SUV39H2: variants seen among roughly 807,000 people sequenced by gnomAD.
The protein encoded by SUV39H2 is histone-lysine N-methyltransferase SUV39H2.
A neutral mutation model predicts 47.5 loss-of-function variants in SUV39H2; 10 were observed. That is an observed-to-expected ratio of 0.21 (90% CI 0.13 to 0.36). SUV39H2 has a LOEUF of 0.36. Ranked by LOEUF, SUV39H2 falls within the 10% of genes least tolerant of loss-of-function variation. The pLI is 1.00. For missense variants in SUV39H2, 266 were observed against 487.4 expected, an observed-to-expected ratio of 0.55 and a Z score of 4.28; for synonymous variants, 159 against 166.8, an observed-to-expected ratio of 0.95 and a Z score of 0.36.
Position 14,902,432 on chromosome 10 carries a change from A to G in SUV39H2, c.1153A>G (p.Ile385Val), listed in dbSNP as rs1356281978. The G allele has an allele frequency of 3.7e-6, 6 of 1,611,008 alleles. No homozygotes were observed. Among genetic ancestry groups the G allele is most frequent in the Admixed American group, 1.7e-5 (1 of 59,658 alleles). Reference protein sequence around the residue: ...KGSGDISSDSIDHSPAKKRVR... With the variant: ...KGSGDISSDSVDHSPAKKRVR... ...TTCTGGAGATATATCTTCAGATTCT[A>G]TTGACCACAGCCCAGCCAAAAAGAG... The change falls in exon 6 of 6, where the codon ATT becomes GTT. Residue 385 changes from isoleucine to valine, a missense_variant. Ile to Val is a conservative substitution (Grantham distance 29, BLOSUM62 3). This residue lies in a region of SUV39H2 where 112 missense variants were observed against 271.9 expected (regional missense o/e 0.41). Transcript: ENST00000354919.
intron 2 of SUV39H2, among the ~76,000 whole-genome samples, chr10:14,885,458 T>C (rs111561071): frequency 1.1e-4 from 16 of 152,372 alleles, no homozygotes; most frequent in African/African-American, 3.8e-4. Flanking sequence ...ATTCCTGCTG[T>C]GCTTTCACAG....
intron 2 of SUV39H2, among the ~76,000 whole-genome samples, chr10:14,894,368 T>TG (rs1833494480): frequency 1.9e-5 from 1 of 51,522 alleles, no homozygotes; most frequent in South Asian, 1.0e-3. Context: ...TTTTTTTTTT[T>TG]TTTTTTTTTT....
At chr10:14,893,156 A>T (rs930361920) in intron 2 of SUV39H2, among the ~76,000 whole-genome samples, 4 of 150,578 alleles carry the variant, frequency 2.7e-5, no homozygotes, top group African/African-American at 4.9e-5. Flanking sequence ...GGCGCCCGCC[A>T]CCTCGCCCGG....
intron 3 of SUV39H2, chr10:14,898,988 A>G (rs1298693627): frequency 4.1e-6 from 2 of 491,842 alleles, no homozygotes; most frequent in East Asian, 5.9e-5. Context: ...CATCCTAATT[A>G]TAATGAAAGT....
chr10:14,898,348 C>T (rs1169621973), intron 3 of SUV39H2: 1 of 151,284 alleles, frequency 6.6e-6, no homozygotes, highest in Non-Finnish European at 1.5e-5. Context: ...TAGTCTTCAC[C>T]ATGGCACCAC....
At chr10:14,902,343 T>A in intron 5 of SUV39H2, 63 bp from the exon 6 acceptor site, 1 of 1,186,102 alleles carries the variant, frequency 8.4e-7, no homozygotes, top group South Asian at 1.5e-5. Flanking sequence ...AATAGAAAAT[T>A]TGAAATTTAT....
At chr10:14,879,578 G>C (rs1832980319) in intron 1 of SUV39H2, among the ~76,000 whole-genome samples, 1 of 152,096 alleles carries the variant, frequency 6.6e-6, no homozygotes, top group South Asian at 2.1e-4. Context: ...TTCTGTGGAC[G>C]CTGGGGAATT....
At chr10:14,879,596 G>A (rs951011844) in intron 1 of SUV39H2, among the ~76,000 whole-genome samples, 1 of 152,030 alleles carries the variant, frequency 6.6e-6, no homozygotes, top group Non-Finnish European at 1.5e-5. Context: ...ATTGGGCACC[G>A]GGGAACTGGG....
chr10:14,886,835 T>G (rs1431147847), intron 2 of SUV39H2, among the ~76,000 whole-genome samples: 2 of 152,236 alleles, frequency 1.3e-5, no homozygotes, highest in Non-Finnish European at 2.9e-5. Flanking sequence ...GCAAACATCG[T>G]TAGAAGATCT....
intron 2 of SUV39H2, among the ~76,000 whole-genome samples, chr10:14,882,856 CT>C (rs560338239): frequency 7.9e-5 from 12 of 151,558 alleles, no homozygotes; most frequent in Non-Finnish European, 1.0e-4. Context: ...TATCTACCCC[CT>C]ATAGGAGTTT....
At chr10:14,883,752 T>C (rs1833119214) in intron 2 of SUV39H2, among the ~76,000 whole-genome samples, 1 of 143,852 alleles carries the variant, frequency 7.0e-6, no homozygotes, top group African/African-American at 2.6e-5. Flanking sequence ...TTTTCTAGTA[T>C]ACTTTAGGAG....
chr10:14,884,147 A>G (rs1235806206), intron 2 of SUV39H2, among the ~76,000 whole-genome samples: 1 of 152,234 alleles, frequency 6.6e-6, no homozygotes, highest in African/African-American at 2.4e-5. Flanking sequence ...ATTCGCCTAC[A>G]GGGTTCTGTG....
Position 14,896,961 on chromosome 10 carries a change from A to G in SUV39H2, c.293A>G (p.His98Arg), listed in dbSNP as rs765085719. Residue 98 changes from histidine to arginine, a missense_variant, in exon 3 of 6, where the codon CAT becomes CGT. Transcript: ENST00000354919. ...LLLQQFSNDK[H>R]NYLSQVKKGK... The stretch of plus-strand genomic sequence containing the variant: ...CTTCAGCAATTCTCTAATGACAAGC[A>G]TAATTATTTATCTCAGGTAAAGAAA... 2.0e-5 allele frequency: 32 copies of G among 1,614,030 alleles called. No individual in the cohort carries two copies. Among genetic ancestry groups the G allele is most frequent in the Non-Finnish European group, 2.3e-5 (27 of 1,180,022 alleles).
chr10:14,898,198 G>C lies in SUV39H2; in HGVS notation c.849+681G>C, dbSNP rs187219999. On this transcript the variant is annotated intron_variant, in intron 3 of 5. Transcript: ENST00000354919. ...CTCCAAAACTCAGTGAGGTAGTACT[G>C]TTTCTTTTTTTTTTTTTTTTTTTTT... The C allele has an allele frequency of 1.3e-3, 82 of 64,416 alleles. 2 individuals are homozygous for C. The Admixed American group carries it at 0.013, about 10-fold the overall frequency. 4.0% of individuals were successfully genotyped at this position (64,416 alleles called of 1,614,324 possible).
chr10:14,897,226 A>C lies in SUV39H2; in HGVS notation c.558A>C (p.Glu186Asp). 1 of 1,613,896 alleles carries C rather than the reference A, an allele frequency of 6.2e-7. No homozygotes were observed. Among genetic ancestry groups the C allele is most frequent in the Non-Finnish European group, 8.5e-7 (1 of 1,180,036 alleles). Residue 186 changes from glutamate (E) to aspartate (D), a missense_variant, in exon 3 of 6, where the codon GAA (glutamate) becomes GAC (aspartate). Glu to Asp is a conservative substitution (Grantham distance 45). Transcript: ENST00000354919. ...KPAPGISLVN[E>D]ATFGCSCTDC... ...CTCCTGGAATCAGCTTAGTCAATGA[A>C]GCTACCTTTGGTTGTTCATGCACAG...
Position 14,904,033 on chromosome 10 carries a change from G to C in SUV39H2, c.*1521G>C, listed in dbSNP as rs562405248. The C allele has an allele frequency of 1.3e-5, 2 of 152,228 alleles. No individual in the cohort carries two copies. Among genetic ancestry groups the C allele is most frequent in the African/African-American group, 4.8e-5 (2 of 41,452 alleles). The allele number at this position is 152,228 out of a possible 1,614,324, so 9.4% of individuals were successfully genotyped here. A position where few individuals can be genotyped will look rare whatever the true frequency, so the allele number is the denominator to read the frequency against. ...GCAGAATGGGGGGCCAGGCCTGTGT[G>C]GTGGCTCACACCTGTGATCCCAGCA... On this transcript the variant is annotated 3_prime_UTR_variant, in exon 6 of 6. Transcript: ENST00000354919.
rs577293454 is a variant in SUV39H2, at chr10:14,888,829, G to A, written c.177+7184G>A. ...TGAATTAAAGAATGAACCAGGCCGG[G>A]TGCAGTGGCTCACGCCTGTAATCCC... On this transcript the variant is annotated intron_variant, in intron 2 of 5. Transcript: ENST00000354919. 9.9e-5 allele frequency among the ~76,000 whole-genome samples: 15 copies of A among 152,220 alleles called. No individual in the cohort carries two copies. The East Asian group carries it at 2.5e-3, about 26-fold the overall frequency.
chr10:14,900,912 A>G (rs897719486), intron 4 of SUV39H2, among the ~76,000 whole-genome samples: 2 of 152,356 alleles, frequency 1.3e-5, no homozygotes, highest in African/African-American at 4.8e-5. Context: ...TAGTGGATAC[A>G]TAGGGATTTC....
Position 14,902,674 on chromosome 10 carries a change from AG to A in SUV39H2, c.*167del, listed in dbSNP as rs775908732. 9.6e-6 allele frequency: 5 copies of A among 522,988 alleles called. No individual in the cohort carries two copies. In the East Asian group the frequency reaches 1.6e-4, roughly 17 times the overall value. 32.4% of individuals were successfully genotyped at this position (522,988 alleles called of 1,614,324 possible). On this transcript the variant is annotated 3_prime_UTR_variant, in exon 6 of 6. Coordinates refer to ENST00000354919, the MANE Select transcript of SUV39H2 (RefSeq NM_001193424.2). Reference sequence around the variant, plus strand: ...AAATGTATTACCGATGCCTCTGAAAAGGGGGTCACTGGGTCTCATAGACTGA... The same window carrying A: ...AAATGTATTACCGATGCCTCTGAAAAGGGGTCACTGGGTCTCATAGACTGA...
Sources: gnomAD v4.1 joint callset for allele counts (sites outside exome capture counted in the v4.1 genomes callset) on GRCh38, gnomAD v4.1.1 for gene constraint, gnomAD v4.1.1 regional missense constraint, MANE v1.5 for transcripts, NCBI Gene and HGNC (gene_info 2026-07-23, HGNC 2026-07-21) for gene names.